The following EOGT variants were observed in gnomAD, a reference collection of about 807,000 sequenced individuals.
The protein encoded by EOGT is EGF domain specific O-linked N-acetylglucosamine transferase, also known as EGF domain-specific O-linked N-acetylglucosamine transferase.
A neutral mutation model predicts 70.5 loss-of-function variants in EOGT; 55 were observed. The ratio of observed to expected loss-of-function variants is 0.78; its 90% CI spans 0.63 to 0.98. The LOEUF (loss-of-function observed/expected upper bound fraction) is 0.98. Among genes scored for constraint, EOGT ranks in the 50% least tolerant of loss-of-function variants. EOGT has a pLI of 0.00. For missense variants in EOGT, 703 were observed against 641.9 expected (o/e 1.10, Z -1.03); for synonymous variants, 246 against 217.1 (o/e 1.13, Z -1.17).
intron 15 of EOGT, 153 bp downstream of exon 15, chr3:68,982,658 A>T (rs1037328727): frequency 1.4e-5 from 6 of 426,348 alleles, no homozygotes; most frequent in Non-Finnish European, 2.5e-5. Context: ...GTTACCAGGG[A>T]CTTCACCTGC....
Position 68,998,008 on chromosome 3 carries a change from T to C in EOGT, c.831+3A>G. ...CTGAAGCGGAGAGCACATTCTTACT[T>C]ACGGTGTCCCACATCACGATGTACA... On this transcript the variant is annotated splice_donor_region_variant and intron_variant, in intron 10 of 17. Coordinates refer to ENST00000383701, the MANE Select transcript of EOGT (RefSeq NM_001278689.2). 6.7e-7 allele frequency: 1 copy of C among 1,498,688 alleles called. No homozygotes were observed. The highest frequency in any genetic ancestry group is 9.1e-7 in the Non-Finnish European group (1 of 1,094,756). The allele number at this position is 1,498,688 out of a possible 1,614,324, so 92.8% of individuals were successfully genotyped here.
At chr3:69,005,696 G>A (rs2091422855) in intron 6 of EOGT, among the ~76,000 whole-genome samples, 2 of 152,194 alleles carry the variant, frequency 1.3e-5, no homozygotes, top group Admixed American at 6.5e-5. Context: ...TCTGCAAACC[G>A]TAAAGCTTGT....
chr3:69,009,653 G>A lies in EOGT; in HGVS notation c.194C>T (p.Ser65Phe), dbSNP rs1271187354. ...AATACCTACCTTATATGGACAAAGA[G>A]AGTCTTTCCTACAGACAGTGGCAAT... The part of the protein sequence containing the change: ...RHIATVCRKD[S>F]LCPYKKHLEK... Residue 65 changes from serine (S) to phenylalanine (F), a missense_variant, in exon 4 of 18, where the codon TCT becomes TTT. By Grantham distance (155) the Ser-to-Phe change is radical. Coordinates refer to ENST00000383701, the MANE Select transcript of EOGT (RefSeq NM_001278689.2). 6 of 1,612,974 alleles carry A rather than the reference G, an allele frequency of 3.7e-6. No homozygotes were observed. In the African/African-American group the frequency reaches 8.0e-5, roughly 22 times the overall value.
chr3:69,004,321 C>A, intron 8 of EOGT, 57 bp downstream of exon 8: 1 of 1,253,536 alleles, frequency 8.0e-7, no homozygotes, highest in Non-Finnish European at 1.2e-6. Context: ...TTAATATCTG[C>A]AAGTGCCGTA....
At position 69,013,239 on chromosome 3, in the gene EOGT, G is replaced by A. The variant is rs557869354; in HGVS notation, c.-356+335C>T. ...GCCGCCCGCCACCGTGCACCGCGGC[G>A]CCCCGGGTCCCCAGCGCGCCTGGGA... On this transcript the variant is annotated intron_variant, in intron 1 of 17. Transcript: ENST00000383701. 5.4e-3 allele frequency among the ~76,000 whole-genome samples: 823 copies of A among 151,742 alleles called. 8 individuals are homozygous for A. The highest frequency in any genetic ancestry group is 0.019 in the African/African-American group (771 of 41,466).
chr3:69,001,496 T>C, intron 9 of EOGT, 112 bp downstream of exon 9: 5 of 637,198 alleles, frequency 7.8e-6, no homozygotes, highest in Non-Finnish European at 1.3e-5. Flanking sequence ...AAAAAACAAA[T>C]CTACTGTTTG....
rs763233397 is a variant in EOGT, at chr3:69,004,441, T to C, written c.557A>G (p.His186Arg). The stretch of plus-strand genomic sequence containing the variant: ...CAATGTACGGATGTCAAGTTTACAG[T>C]GCCCTCCAATTTCACCACTCTGGAA... ...DFFQSGEIGG[H>R]CKLDIRTLTS... Residue 186 changes from histidine to arginine, a missense_variant, in exon 8 of 18, where the codon CAC becomes CGC. By Grantham distance (29) the His-to-Arg change is conservative. Transcript: ENST00000383701. The C allele has an allele frequency of 6.2e-7, 1 of 1,614,136 alleles. No individual in the cohort carries two copies. Among genetic ancestry groups the C allele is most frequent in the South Asian group, 1.1e-5 (1 of 91,084 alleles).
chr3:69,000,298 A>T (rs1349182163), intron 9 of EOGT, among the ~76,000 whole-genome samples: 1 of 152,194 alleles, frequency 6.6e-6, no homozygotes, highest in Non-Finnish European at 1.5e-5. Context: ...ATAGGAAAGA[A>T]ATGAGACATG....
At chr3:69,002,298 ATGTT>A (rs1559609552) in intron 8 of EOGT, among the ~76,000 whole-genome samples, 1 of 152,154 alleles carries the variant, frequency 6.6e-6, no homozygotes, top group African/African-American at 2.4e-5. Context: ...GAGATAATAA[ATGTT>A]TGTATTTTAA....
intron 11 of EOGT, 125 bp from the exon 12 acceptor site, chr3:68,988,702 T>C (rs772815262): frequency 1.5e-6 from 1 of 673,844 alleles, no homozygotes; most frequent in Non-Finnish European, 2.4e-6. Flanking sequence ...AGCACACTAT[T>C]TCATTCAAAG....
chr3:68,984,952 TC>T (rs2090761402), intron 14 of EOGT, among the ~76,000 whole-genome samples: 1 of 152,120 alleles, frequency 6.6e-6, no homozygotes, highest in African/African-American at 2.4e-5. Context: ...CTACCTTGAC[TC>T]ACGCCCCCGT....
chr3:68,998,221 T>A, intron 9 of EOGT, 107 bp from the exon 10 acceptor site: 1 of 660,418 alleles, frequency 1.5e-6, no homozygotes, highest in Non-Finnish European at 2.6e-6. Flanking sequence ...TTAGTTTAAA[T>A]AAATGGGGAA....
chr3:68,989,167 A>G, intron 10 of EOGT, 150 bp from the exon 11 acceptor site: 1 of 513,530 alleles, frequency 1.9e-6, no homozygotes, highest in Non-Finnish European at 3.4e-6. Flanking sequence ...ATGGATCTTC[A>G]TCTTGGGCCA....
At chr3:68,998,468 T>G (rs2107312555) in intron 9 of EOGT, among the ~76,000 whole-genome samples, 1 of 152,352 alleles carries the variant, frequency 6.6e-6, no homozygotes, top group South Asian at 2.1e-4. Flanking sequence ...AAACCATTAT[T>G]TCTTCTGACT....
At chr3:68,982,713 CAAATGCCAATGGCTCCCACTGGAA>C in intron 15 of EOGT, 74 bp downstream of exon 15, 4 of 783,112 alleles carry the variant, frequency 5.1e-6, no homozygotes, top group Non-Finnish European at 8.1e-6. Flanking sequence ...TCTGGGCCTA[CAAATGCCAATGGCTCCCACTGGAA>C]AAATGCTTTC....
intron 6 of EOGT, among the ~76,000 whole-genome samples, chr3:69,006,261 T>C (rs376336243): frequency 2.0e-4 from 31 of 152,222 alleles, no homozygotes; most frequent in East Asian, 9.7e-4. Context: ...AGAACAGAAC[T>C]CTGTTAAAGA....
At chr3:68,998,577 G>A (rs1253679610) in intron 9 of EOGT, among the ~76,000 whole-genome samples, 15 of 152,158 alleles carry the variant, frequency 9.9e-5, no homozygotes, top group Admixed American at 9.8e-4. Flanking sequence ...TAAGGGGCCA[G>A]GCACAGTGGC....
chr3:69,003,695 G>A (rs1039132466), intron 8 of EOGT, among the ~76,000 whole-genome samples: 1 of 152,174 alleles, frequency 6.6e-6, no homozygotes, highest in African/African-American at 2.4e-5. Flanking sequence ...GGCCAATGAT[G>A]TTAACAGTCA....
rs1165138527 is a variant in EOGT, at chr3:68,977,462, A to G, written c.*156T>C. On this transcript the variant is annotated 3_prime_UTR_variant, in exon 18 of 18. Coordinates refer to ENST00000383701, the MANE Select transcript of EOGT (RefSeq NM_001278689.2). ...ACACAAAAACCACATGAAACACTTA[A>G]CATCTATACAACACATAACAATATC... 1 of 679,182 alleles carries G rather than the reference A, an allele frequency of 1.5e-6. No homozygotes were observed. The highest frequency in any genetic ancestry group is 3.1e-5 in the East Asian group (1 of 32,060). 42.1% of individuals were successfully genotyped at this position (679,182 alleles called of 1,614,324 possible).
Sources: gnomAD v4.1 joint callset for allele counts (sites outside exome capture counted in the v4.1 genomes callset) on GRCh38, gnomAD v4.1.1 for gene constraint, MANE v1.5 for transcripts, NCBI Gene and HGNC (gene_info 2026-07-23, HGNC 2026-07-21) for gene names.